Variants in KMT5B observed in about 807,000 individuals in gnomAD.
KMT5B encodes the protein lysine methyltransferase 5B.
In KMT5B, 10 loss-of-function variants were observed where a neutral mutation model predicts 83.2. That is an observed-to-expected ratio of 0.12 (90% confidence interval 0.07 to 0.20). The LOEUF (loss-of-function observed/expected upper bound fraction) is 0.20. Among genes scored for constraint, KMT5B ranks in the 10% least tolerant of loss-of-function variants. The pLI, the probability that KMT5B is intolerant of heterozygous loss-of-function variation, is 1.00. For missense variants in KMT5B, 753 were observed against 1,067.2 expected (o/e 0.71, Z 4.10); for synonymous variants, 349 against 388.8 (o/e 0.90, Z 1.20).
At chr11:68,213,056 G>A (rs1359726422) in intron 1 of KMT5B, 82 bp downstream of exon 1, 7 of 103,412 alleles carry the variant, frequency 6.8e-5, no homozygotes, top group African/African-American at 2.5e-4. Context: ...CTGGGCCCGC[G>A]GTCCCCCACG....
intron 10 of KMT5B, chr11:68,166,317 T>G (rs1855317390): frequency 9.4e-7 from 1 of 1,061,224 alleles, no homozygotes. Context: ...TCGTTCTCTT[T>G]TTCAGTTTCC....
At chr11:68,198,544 C>A (rs374718475) in intron 1 of KMT5B, among the ~76,000 whole-genome samples, 14 of 152,300 alleles carry the variant, frequency 9.2e-5, no homozygotes, top group African/African-American at 2.6e-4. Context: ...CACAGAGGTG[C>A]CCCCTCCCAA....
intron 1 of KMT5B, among the ~76,000 whole-genome samples, chr11:68,205,747 A>G (rs12809033): frequency 6.6e-6 from 1 of 151,470 alleles, no homozygotes; most frequent in Non-Finnish European, 1.5e-5. Flanking sequence ...CAGCCTCCTG[A>G]GTACCTGGGA....
chr11:68,167,231 A>G, intron 9 of KMT5B, 53 bp from the exon 10 acceptor site: 2 of 1,542,790 alleles, frequency 1.3e-6, no homozygotes, highest in South Asian at 2.4e-5. Context: ...TTCTTATAAT[A>G]AGCTTAACTG....
intron 3 of KMT5B, among the ~76,000 whole-genome samples, chr11:68,184,521 C>T (rs1326009444): frequency 6.6e-6 from 1 of 152,178 alleles, no homozygotes; most frequent in Non-Finnish European, 1.5e-5. Context: ...AAACAGGACA[C>T]AAGACTTTCC....
rs768235825 is a variant in KMT5B at position 68,171,215 on chromosome 11, A to T, written c.840+17T>A. On this transcript the variant is annotated intron_variant, in intron 8 of 10. Transcript: ENST00000304363. This position sits in a 1 kb window ranked among gnomAD's most constrained non-coding sequence, Gnocchi z 5.1. ...AGCAAAAACAAAATACTTGAAGAAAATTTTTTTAATGCTTACCTTACAATT... is the reference window on the plus strand; with the variant it reads ...AGCAAAAACAAAATACTTGAAGAAATTTTTTTTAATGCTTACCTTACAATT... 2 of 1,602,458 alleles carry T rather than the reference A, an allele frequency of 1.2e-6. No homozygotes were observed. The highest frequency in any genetic ancestry group is 1.8e-5 in the Admixed American group (1 of 55,898).
At chr11:68,164,268 A>G (rs75640100) in intron 10 of KMT5B, among the ~76,000 whole-genome samples, 3,357 of 152,286 alleles carry the variant, frequency 0.022, 165 homozygotes, top group East Asian at 0.22. Context: ...TTTTTTATAC[A>G]TGTGTTCAAA....
chr11:68,190,172 AAAAAC>A lies in KMT5B; in HGVS notation c.-76-25_-76-21del. 8.6e-7 allele frequency: 1 copy of A among 1,163,876 alleles called. No individual in the cohort carries two copies. The highest frequency in any genetic ancestry group is 1.2e-6 in the Non-Finnish European group (1 of 806,654). The allele number at this position is 1,163,876 out of a possible 1,614,324, so 72.1% of individuals were successfully genotyped here. A position where few individuals can be genotyped will look rare whatever the true frequency, so the allele number is the denominator to read the frequency against. On this transcript the variant is annotated intron_variant, in intron 1 of 10. Coordinates refer to ENST00000304363, the MANE Select transcript of KMT5B (RefSeq NM_017635.5). ...TCTCTCCTAACAGAAACAAAATATG[AAAAAC>A]AAAACAAAATGGGGAGATAAATACA...
chr11:68,207,365 A>C (rs1860261092), intron 1 of KMT5B, among the ~76,000 whole-genome samples: 1 of 152,194 alleles, frequency 6.6e-6, no homozygotes, highest in African/African-American at 2.4e-5. Flanking sequence ...AAGAAGATAC[A>C]AACATCACTG....
chr11:68,188,927 G>T (rs1193542644), intron 2 of KMT5B, among the ~76,000 whole-genome samples: 1 of 152,196 alleles, frequency 6.6e-6, no homozygotes, highest in Admixed American at 6.5e-5. Flanking sequence ...CACTCATTCA[G>T]TCTTGCCTCT....
intron 1 of KMT5B, among the ~76,000 whole-genome samples, chr11:68,206,374 A>G (rs1167924615): frequency 2.0e-5 from 3 of 152,234 alleles, no homozygotes; most frequent in Non-Finnish European, 4.4e-5. Context: ...AGAAGTTACA[A>G]GAAGTACATC....
chr11:68,180,702 C>A (rs1856832868), intron 3 of KMT5B, among the ~76,000 whole-genome samples: 1 of 152,146 alleles, frequency 6.6e-6, no homozygotes, highest in African/African-American at 2.4e-5. Flanking sequence ...TGGCCTGAGT[C>A]GCCTTCGCGC....
intron 5 of KMT5B, 23 bp from the exon 6 acceptor site, chr11:68,173,936 A>G (rs755305960): frequency 4.8e-6 from 7 of 1,459,930 alleles, no homozygotes; most frequent in East Asian, 4.5e-5. Context: ...AAAAAAATTG[A>G]TAATGACTTT....
Position 68,171,912 on chromosome 11 carries a change from C to T in KMT5B, c.654-203G>A, listed in dbSNP as rs961249569. ...GCCTTGTGCCATGGTTACTTGTGTACCTATCTTATTCCTGCAAGAGAATGG... is the reference window on the plus strand; with the variant it reads ...GCCTTGTGCCATGGTTACTTGTGTATCTATCTTATTCCTGCAAGAGAATGG... On this transcript the variant is annotated intron_variant, in intron 6 of 10. Transcript: ENST00000304363. This position sits in a 1 kb window ranked among gnomAD's most constrained non-coding sequence, Gnocchi z 5.1. Among the ~76,000 whole-genome samples, 1 of 152,126 alleles carries T rather than the reference C, an allele frequency of 6.6e-6. No individual in the cohort carries two copies. The highest frequency in any genetic ancestry group is 1.5e-5 in the Non-Finnish European group (1 of 68,032).
intron 1 of KMT5B, among the ~76,000 whole-genome samples, chr11:68,203,824 T>A (rs1591067140): frequency 6.6e-6 from 1 of 152,228 alleles, no homozygotes; most frequent in Non-Finnish European, 1.5e-5. Flanking sequence ...TGCTTCTACC[T>A]AAGGCAGAGC....
chr11:68,186,681 G>A (rs1857466628), intron 2 of KMT5B, among the ~76,000 whole-genome samples: 2 of 152,214 alleles, frequency 1.3e-5, no homozygotes, highest in South Asian at 4.1e-4. Context: ...AGTTTCATCA[G>A]AGCTGATTAA....
chr11:68,213,484 C>G (rs1189774521), upstream of KMT5B: 2 of 149,800 alleles, frequency 1.3e-5, no homozygotes, highest in East Asian at 2.0e-4. Flanking sequence ...CACCTCGCCT[C>G]GCGCACGGCC....
intron 1 of KMT5B, among the ~76,000 whole-genome samples, chr11:68,205,623 CTTT>C (rs61314677): frequency 1.4e-5 from 2 of 140,550 alleles, no homozygotes; most frequent in Admixed American, 1.4e-4. Flanking sequence ...ATTCGCAATT[CTTT>C]TTTTTTTTTT....
intron 3 of KMT5B, among the ~76,000 whole-genome samples, chr11:68,182,839 C>A (rs1377105400): frequency 6.6e-6 from 1 of 151,272 alleles, no homozygotes; most frequent in Admixed American, 6.6e-5. Flanking sequence ...CAGGTTCAAG[C>A]GATTCTCCTG....
Sources: allele counts gnomAD v4.1 joint callset (sites outside exome capture counted in the v4.1 genomes callset), GRCh38; gene constraint gnomAD v4.1.1; non-coding constraint Gnocchi (gnomAD v3.1); transcripts MANE v1.5; gene names NCBI Gene and HGNC (gene_info 2026-07-23, HGNC 2026-07-21).